FAF1: variants seen among roughly 807,000 people sequenced by gnomAD.
The protein encoded by FAF1 is Fas associated factor 1, also known as FAS-associated factor 1.
In FAF1, 25 loss-of-function variants were observed where a neutral mutation model predicts 92.5. The ratio of observed to expected loss-of-function variants is 0.27; its 90% CI spans 0.20 to 0.38. The LOEUF is 0.38. FAF1 is among the 10% of genes least tolerant of loss of function. The pLI, the probability that FAF1 is intolerant of heterozygous loss-of-function variation, is 1.00. For synonymous variants in FAF1, 234 were observed against 273.2 expected (o/e 0.86, Z 1.42); for missense variants, 636 against 793.3 (o/e 0.80, Z 2.38).
At chr1:50,470,940 T>C (rs898682778) in intron 18 of FAF1, 2 of 152,234 alleles carry the variant, frequency 1.3e-5, no homozygotes, top group African/African-American at 4.8e-5. Context: ...CCTGCTGAAA[T>C]TACTTATCCT....
chr1:50,952,255 G>A (rs546009125), intron 1 of FAF1, among the ~76,000 whole-genome samples: 1 of 152,192 alleles, frequency 6.6e-6, no homozygotes, highest in Non-Finnish European at 1.5e-5. Context: ...TTGCAGGCGC[G>A]CGCCGCCACG....
At chr1:50,703,066 AT>A (rs1485855610) in intron 7 of FAF1, among the ~76,000 whole-genome samples, 1 of 151,738 alleles carries the variant, frequency 6.6e-6, no homozygotes, top group Non-Finnish European at 1.5e-5. Context: ...TGTTTTGAAC[AT>A]TTTTTCCTTT....
chr1:50,634,877 C>T (rs1228962189), intron 8 of FAF1, among the ~76,000 whole-genome samples: 1 of 152,178 alleles, frequency 6.6e-6, no homozygotes, highest in Non-Finnish European at 1.5e-5. Context: ...ATTACAAGCA[C>T]TAGGCAGAAA....
At chr1:50,614,901 A>G (rs994789786) in intron 8 of FAF1, among the ~76,000 whole-genome samples, 1 of 151,394 alleles carries the variant, frequency 6.6e-6, no homozygotes, top group African/African-American at 2.4e-5. Flanking sequence ...TGAGAATGTG[A>G]GCATGATTTA....
intron 6 of FAF1, among the ~76,000 whole-genome samples, chr1:50,729,400 G>A (rs77177523): frequency 0.05 from 7,609 of 151,216 alleles, 263 homozygotes; most frequent in Non-Finnish European, 0.073. Context: ...AAATGTACCC[G>A]TATTTTTTCT....
chr1:50,725,618 G>A (rs546425505), intron 6 of FAF1, among the ~76,000 whole-genome samples: 1 of 152,150 alleles, frequency 6.6e-6, no homozygotes, highest in East Asian at 1.9e-4. Flanking sequence ...ACCATGCCCA[G>A]CTAATTTTTG....
chr1:50,952,677 G>T (rs1184363614), intron 1 of FAF1, among the ~76,000 whole-genome samples: 2 of 151,810 alleles, frequency 1.3e-5, no homozygotes, highest in African/African-American at 4.8e-5. Flanking sequence ...ATCTCTGCCC[G>T]GCCGCCCATC....
intron 7 of FAF1, among the ~76,000 whole-genome samples, chr1:50,659,422 G>C (rs1217998701): frequency 1.3e-5 from 2 of 152,304 alleles, no homozygotes; most frequent in Non-Finnish European, 2.9e-5. Flanking sequence ...GCACTTTAGA[G>C]AAGTAAAAAG....
At chr1:50,904,144 A>G (rs576176351) in intron 1 of FAF1, among the ~76,000 whole-genome samples, 25 of 152,344 alleles carry the variant, frequency 1.6e-4, no homozygotes, top group African/African-American at 6.0e-4. Flanking sequence ...ATAGATGAAT[A>G]AACAAAATGT....
intron 9 of FAF1, among the ~76,000 whole-genome samples, chr1:50,594,076 G>T (rs1053981218): frequency 3.3e-5 from 5 of 152,122 alleles, no homozygotes; most frequent in African/African-American, 4.8e-5. Context: ...ACTTTGGAGG[G>T]CTGAGGAGGG....
At chr1:50,677,719 A>G (rs1656188380) in intron 7 of FAF1, among the ~76,000 whole-genome samples, 1 of 151,866 alleles carries the variant, frequency 6.6e-6, no homozygotes, top group African/African-American at 2.4e-5. Context: ...ACATGGAGAA[A>G]CCCTGTCTCT....
intron 7 of FAF1, among the ~76,000 whole-genome samples, chr1:50,696,721 G>GGACT (rs1657247556): frequency 2.0e-5 from 3 of 151,970 alleles, no homozygotes; most frequent in Admixed American, 2.0e-4. Flanking sequence ...GTCACTCATG[G>GGACT]GACTTTCCCA....
rs182192807 is a variant in FAF1 at position 50,955,492 on chromosome 1, T to C, written c.45+4275A>G. ...TCTAAATTCATTTGCTCAGAGCTGA[T>C]TTTTAAAATAATTTATTAAACAGGA... On this transcript the variant is annotated intron_variant, in intron 1 of 18. Coordinates refer to ENST00000396153, the MANE Select transcript of FAF1 (RefSeq NM_007051.3). Among the ~76,000 whole-genome samples, 338 of 152,364 alleles carry C rather than the reference T, an allele frequency of 2.2e-3. 1 individual carries two copies. Among genetic ancestry groups the C allele is most frequent in the Non-Finnish European group, 4.2e-3 (287 of 68,042 alleles).
chr1:50,853,322 T>A (rs1010274264), intron 2 of FAF1, among the ~76,000 whole-genome samples: 2 of 152,166 alleles, frequency 1.3e-5, no homozygotes, highest in African/African-American at 4.8e-5. Flanking sequence ...GCAGATTATG[T>A]GCAGTACAAT....
intron 2 of FAF1, among the ~76,000 whole-genome samples, chr1:50,851,560 T>C (rs1328474385): frequency 6.6e-6 from 1 of 152,156 alleles, no homozygotes; most frequent in Non-Finnish European, 1.5e-5. Flanking sequence ...CAAAAAACAG[T>C]ACATATTAGC....
In FAF1 at chr1:50,689,222, T is replaced by C. The variant is rs546263633; in HGVS notation, c.657+16564A>G. On this transcript the variant is annotated intron_variant, in intron 7 of 18. Transcript: ENST00000396153. ...ACAATTAGAAAAAACACAGAAAAAA[T>C]CATATATATGATAAAGTAACCATCT... 3.3e-5 allele frequency among the ~76,000 whole-genome samples: 5 copies of C among 152,156 alleles called. No individual in the cohort carries two copies. In the East Asian group the frequency reaches 9.6e-4, roughly 29 times the overall value.
chr1:50,603,720 T>G (rs530196517), intron 8 of FAF1, among the ~76,000 whole-genome samples: 18 of 152,312 alleles, frequency 1.2e-4, no homozygotes, highest in Admixed American at 1.1e-3. Flanking sequence ...TCAAGAATGC[T>G]AGTTACCAAG....
At position 50,775,952 on chromosome 1, in the gene FAF1, A is replaced by G. The variant is rs533625005; in HGVS notation, c.367+12048T>C. Among the ~76,000 whole-genome samples, 52 of 152,252 alleles carry G rather than the reference A, an allele frequency of 3.4e-4. 1 individual carries two copies. The South Asian group carries it at 9.5e-3, about 28-fold the overall frequency. On this transcript the variant is annotated intron_variant, in intron 4 of 18. Coordinates refer to ENST00000396153, the MANE Select transcript of FAF1 (RefSeq NM_007051.3). ...AACATGATTCTCTGCCTGCCATAAT[A>G]CTCATAAGGCAATAACTATAATCCA...
At position 50,762,764 on chromosome 1, in the gene FAF1, A is replaced by G. The variant is rs111728302; in HGVS notation, c.368-17989T>C. ...GAAGAAAACCTAGGCATTACCATTCAGGACATAGGCATGGGCAAGGACTTC... is the reference window on the plus strand; with the variant it reads ...GAAGAAAACCTAGGCATTACCATTCGGGACATAGGCATGGGCAAGGACTTC... On this transcript the variant is annotated intron_variant, in intron 4 of 18. Transcript: ENST00000396153. Among the ~76,000 whole-genome samples, 1,143 of 152,220 alleles carry G rather than the reference A, an allele frequency of 7.5e-3. 22 individuals carry two copies. Among genetic ancestry groups the G allele is most frequent in the African/African-American group, 0.026 (1,089 of 41,556 alleles).
Sources: allele counts gnomAD v4.1 joint callset (sites outside exome capture counted in the v4.1 genomes callset), GRCh38; gene constraint gnomAD v4.1.1; transcripts MANE v1.5; gene names NCBI Gene and HGNC (gene_info 2026-07-23, HGNC 2026-07-21).